Variants in VAT1L observed in about 807,000 individuals in gnomAD.
VAT1L encodes vesicle amine transport 1 like.
Under a neutral mutation model 44.1 loss-of-function variants are expected in VAT1L, and 34 were observed. That is an observed-to-expected ratio of 0.77 (90% CI 0.59 to 1.03). VAT1L has a LOEUF of 1.03. VAT1L is among the 50% of genes least tolerant of loss of function. The probability of loss-of-function intolerance (pLI) is 0.00; values close to 1 mark genes in which losing one functional copy is unlikely to be tolerated. For missense variants in VAT1L, 615 were observed against 538.8 expected, an observed-to-expected ratio of 1.14 and a Z score of -1.40; for synonymous variants, 253 against 202.2, an observed-to-expected ratio of 1.25 and a Z score of -2.13.
intron 7 of VAT1L, among the ~76,000 whole-genome samples, chr16:77,953,450 G>GT (rs1381682783): frequency 6.6e-6 from 1 of 152,128 alleles, no homozygotes. Context: ...GCAAACAATT[G>GT]TTTACTTGGT....
intron 1 of VAT1L, among the ~76,000 whole-genome samples, chr16:77,796,552 A>G (rs770064489): frequency 2.0e-5 from 3 of 152,216 alleles, no homozygotes; most frequent in African/African-American, 4.8e-5. Flanking sequence ...AGCACTTTCA[A>G]CTTATCTACT....
At chr16:77,935,975 G>T (rs903647902) in intron 7 of VAT1L, among the ~76,000 whole-genome samples, 1 of 152,116 alleles carries the variant, frequency 6.6e-6, no homozygotes, top group Non-Finnish European at 1.5e-5. Context: ...AGAGCATCCT[G>T]CTTCTCTCTC....
At chr16:77,808,358 G>C (rs1436596829) in intron 1 of VAT1L, among the ~76,000 whole-genome samples, 1 of 152,058 alleles carries the variant, frequency 6.6e-6, no homozygotes, top group Non-Finnish European at 1.5e-5. Context: ...GCTCCCACTT[G>C]ATTCTACATT....
chr16:77,854,679 AG>A, intron 3 of VAT1L, among the ~76,000 whole-genome samples: 1 of 152,338 alleles, frequency 6.6e-6, no homozygotes, highest in East Asian at 1.9e-4. Flanking sequence ...AATCTTTGGA[AG>A]AAGAAAATCT....
chr16:77,973,804 C>T (rs561884659), intron 8 of VAT1L, among the ~76,000 whole-genome samples: 1 of 151,924 alleles, frequency 6.6e-6, no homozygotes, highest in Non-Finnish European at 1.5e-5. Flanking sequence ...TGGCTCACTG[C>T]AAGCTCCACC....
At chr16:77,804,339 G>A (rs146383366) in intron 1 of VAT1L, among the ~76,000 whole-genome samples, 1 of 152,296 alleles carries the variant, frequency 6.6e-6, no homozygotes, top group Non-Finnish European at 1.5e-5. Flanking sequence ...AAAAGAGTTA[G>A]TCTCAGCATC....
At chr16:77,955,749 G>A (rs2018097035) in intron 7 of VAT1L, among the ~76,000 whole-genome samples, 1 of 145,838 alleles carries the variant, frequency 6.9e-6, no homozygotes, top group African/African-American at 2.6e-5. Flanking sequence ...AAAAGAGAGA[G>A]AATGGAATGA....
chr16:77,881,226 T>C (rs947802553), intron 6 of VAT1L, among the ~76,000 whole-genome samples: 3 of 152,230 alleles, frequency 2.0e-5, no homozygotes, highest in African/African-American at 4.8e-5. Flanking sequence ...TTTGGACTTC[T>C]ATGTGCCAGT....
chr16:77,815,298 C>T (rs534489167), intron 1 of VAT1L, among the ~76,000 whole-genome samples: 14 of 152,210 alleles, frequency 9.2e-5, no homozygotes, highest in Non-Finnish European at 1.9e-4. Context: ...AAACTGGCAG[C>T]ACATATTTTT....
rs117615200 is a variant in VAT1L at position 77,956,225 on chromosome 16, T to C, written c.1078-15625T>C. On this transcript the variant is annotated intron_variant, in intron 7 of 8. Transcript: ENST00000302536. Reference sequence around the variant, plus strand: ...ATACTTACCATGTACCCACAAAGATTAAAAATTTTAAAAATTTTTAATTAA... The same window carrying C: ...ATACTTACCATGTACCCACAAAGATCAAAAATTTTAAAAATTTTTAATTAA... Among the ~76,000 whole-genome samples the C allele has an allele frequency of 6.8e-3, 1,034 of 152,214 alleles. 8 individuals carry two copies. The highest frequency in any genetic ancestry group is 0.011 in the Non-Finnish European group (764 of 68,006).
intron 7 of VAT1L, among the ~76,000 whole-genome samples, chr16:77,923,386 G>C (rs1246382924): frequency 6.6e-6 from 1 of 152,194 alleles, no homozygotes; most frequent in Non-Finnish European, 1.5e-5. Context: ...GGAGGCAGAG[G>C]TTGCAGTGAG....
At chr16:77,870,321 A>C (rs2017018310) in intron 4 of VAT1L, among the ~76,000 whole-genome samples, 1 of 152,226 alleles carries the variant, frequency 6.6e-6, no homozygotes, top group Non-Finnish European at 1.5e-5. Context: ...GTGATGGTTA[A>C]AGCTGTGGCA....
At chr16:77,833,814 G>T (rs993131560) in intron 3 of VAT1L, among the ~76,000 whole-genome samples, 5 of 151,220 alleles carry the variant, frequency 3.3e-5, no homozygotes, top group Admixed American at 3.3e-4. Context: ...GAGAGGTGAG[G>T]GGGGCTTCAT....
intron 7 of VAT1L, among the ~76,000 whole-genome samples, chr16:77,911,639 T>A: frequency 6.6e-6 from 1 of 152,292 alleles, no homozygotes; most frequent in East Asian, 1.9e-4. Context: ...GCCACCAGAT[T>A]GCACTTCCCA....
chr16:77,847,221 A>G (rs927163127), intron 3 of VAT1L, among the ~76,000 whole-genome samples: 42 of 142,362 alleles, frequency 3.0e-4, no homozygotes, highest in Admixed American at 5.0e-4. Context: ...AGAAAGCAGG[A>G]AAAAAAAAAA....
intron 2 of VAT1L, among the ~76,000 whole-genome samples, chr16:77,817,711 A>G (rs1428447851): frequency 6.6e-6 from 1 of 152,184 alleles, no homozygotes; most frequent in African/African-American, 2.4e-5. Context: ...ACCTTTTTTA[A>G]TTTGTAAAAA....
chr16:77,866,784 T>A (rs1157218188), intron 4 of VAT1L, among the ~76,000 whole-genome samples: 1 of 152,074 alleles, frequency 6.6e-6, no homozygotes, highest in Admixed American at 6.5e-5. Flanking sequence ...TTCTCTCTCT[T>A]TAGGAGGAGA....
intron 4 of VAT1L, among the ~76,000 whole-genome samples, chr16:77,870,723 C>T (rs1018099878): frequency 2.0e-5 from 3 of 152,214 alleles, no homozygotes; most frequent in African/African-American, 7.2e-5. Flanking sequence ...AGAGGAATTG[C>T]TGCATTTGGC....
chr16:77,900,721 A>G (rs529718467), intron 7 of VAT1L, among the ~76,000 whole-genome samples: 3 of 151,996 alleles, frequency 2.0e-5, no homozygotes, highest in Non-Finnish European at 4.4e-5. Context: ...AAATAGAAAA[A>G]AAGGCAAAAA....
Sources: gnomAD v4.1 joint callset for allele counts (sites outside exome capture counted in the v4.1 genomes callset) on GRCh38, gnomAD v4.1.1 for gene constraint, MANE v1.5 for transcripts, NCBI Gene and HGNC (gene_info 2026-07-23, HGNC 2026-07-21) for gene names.